AP1G1: variants seen among roughly 807,000 people sequenced by gnomAD.
AP1G1 encodes AP-1 complex subunit gamma-1.
AP1G1 carries 7 observed loss-of-function variants against 108.3 expected under a neutral mutation model. That is an observed-to-expected ratio of 0.06 (90% CI 0.04 to 0.12). The LOEUF (loss-of-function observed/expected upper bound fraction) is 0.12, where lower values mean the gene tolerates loss of function less well. AP1G1 is among the 10% of genes least tolerant of loss of function. AP1G1 has a pLI of 1.00. For missense variants in AP1G1, 756 were observed against 1,010.7 expected, an observed-to-expected ratio of 0.75 and a Z score of 3.42; for synonymous variants, 379 against 353.5, an observed-to-expected ratio of 1.07 and a Z score of -0.81.
chr16:71,766,087 G>A (rs2031300803), intron 6 of AP1G1, among the ~76,000 whole-genome samples: 1 of 152,084 alleles, frequency 6.6e-6, no homozygotes, highest in Non-Finnish European at 1.5e-5. Flanking sequence ...AGATAGAAGA[G>A]TTATACCCTT....
intron 19 of AP1G1, among the ~76,000 whole-genome samples, chr16:71,740,001 A>G (rs1015439356): frequency 5.9e-5 from 9 of 152,176 alleles, no homozygotes; most frequent in Non-Finnish European, 1.3e-4. Context: ...AATTATAGTG[A>G]GATACTACCT....
At chr16:71,746,770 A>G (rs1345028544) in intron 16 of AP1G1, 78 bp from the exon 17 acceptor site, 1 of 1,088,398 alleles carries the variant, frequency 9.2e-7, no homozygotes, top group Non-Finnish European at 1.3e-6. Flanking sequence ...TTAATAAGCC[A>G]GAATTTTCTG....
chr16:71,747,794 CA>C (rs2030262550), intron 16 of AP1G1, among the ~76,000 whole-genome samples: 1 of 151,970 alleles, frequency 6.6e-6, no homozygotes, highest in African/African-American at 2.4e-5. Flanking sequence ...CCAGCCTGGG[CA>C]AACAAACGAA....
chr16:71,746,315 C>T (rs528909324), intron 17 of AP1G1, among the ~76,000 whole-genome samples: 1 of 152,258 alleles, frequency 6.6e-6, no homozygotes, highest in East Asian at 1.9e-4. Context: ...CGGCCTCCCA[C>T]TTCTTAACTA....
intron 1 of AP1G1, among the ~76,000 whole-genome samples, chr16:71,791,097 T>C (rs969617840): frequency 1.3e-5 from 2 of 151,996 alleles, no homozygotes. Flanking sequence ...GGCACACACC[T>C]GTAGGCTCAG....
intron 1 of AP1G1, among the ~76,000 whole-genome samples, chr16:71,807,099 T>C (rs1383791886): frequency 6.6e-6 from 1 of 152,222 alleles, no homozygotes; most frequent in Non-Finnish European, 1.5e-5. Flanking sequence ...CTCGCCTAAC[T>C]TGAAACGTAG....
intron 21 of AP1G1, 50 bp downstream of exon 21, chr16:71,738,890 AAG>A (rs2045583865): frequency 5.2e-6 from 8 of 1,524,220 alleles, no homozygotes; most frequent in East Asian, 2.3e-5. Flanking sequence ...TGAAAAAAAA[AAG>A]CCAGCCAATC....
intron 7 of AP1G1, among the ~76,000 whole-genome samples, 189 bp downstream of exon 7, chr16:71,765,300 C>T (rs947811081): frequency 1.3e-5 from 2 of 152,196 alleles, no homozygotes; most frequent in Non-Finnish European, 2.9e-5. Context: ...GCACTCCAGC[C>T]TAAGTGACAG....
At chr16:71,763,510 G>A (rs1180465927) in intron 9 of AP1G1, among the ~76,000 whole-genome samples, 1 of 152,138 alleles carries the variant, frequency 6.6e-6, no homozygotes, top group Non-Finnish European at 1.5e-5. Context: ...TTAATTTTAT[G>A]TTATATATAT....
At chr16:71,738,828 A>G (rs1183976010) in intron 21 of AP1G1, 114 bp downstream of exon 21, 6 of 954,670 alleles carry the variant, frequency 6.3e-6, no homozygotes, top group Non-Finnish European at 9.4e-6. Context: ...AGTTTGAATT[A>G]AGTCTACAAA....
intron 19 of AP1G1, among the ~76,000 whole-genome samples, chr16:71,743,945 CA>C (rs35804839): frequency 0.47 from 41,147 of 87,004 alleles, 6,757 homozygotes; most frequent in East Asian, 0.75. Context: ...GACTCTGTCT[CA>C]AAAAAAAAAA....
intron 21 of AP1G1, among the ~76,000 whole-genome samples, chr16:71,735,657 A>AAC (rs1367575854): frequency 6.8e-6 from 1 of 146,918 alleles, no homozygotes; most frequent in Non-Finnish European, 1.5e-5. Flanking sequence ...CTCCGTCTCA[A>AAC]AAAAAAAAAA....
chr16:71,740,685 T>C (rs2045608394), intron 19 of AP1G1, among the ~76,000 whole-genome samples: 2 of 152,204 alleles, frequency 1.3e-5, no homozygotes, highest in Admixed American at 6.5e-5. Flanking sequence ...TTGGATACCT[T>C]GTCTAAAAAG....
chr16:71,786,147 ACTTT>A (rs758598080), intron 2 of AP1G1, among the ~76,000 whole-genome samples: 13 of 152,238 alleles, frequency 8.5e-5, no homozygotes, highest in South Asian at 4.1e-4. Context: ...TCGAGCATTT[ACTTT>A]CTAAGAATTA....
At chr16:71,802,275 CCT>C (rs1167916511) in intron 1 of AP1G1, among the ~76,000 whole-genome samples, 1 of 152,108 alleles carries the variant, frequency 6.6e-6, no homozygotes, top group Non-Finnish European at 1.5e-5. Flanking sequence ...TTTTTACTTA[CCT>C]CTTTTTTTTG....
intron 1 of AP1G1, among the ~76,000 whole-genome samples, chr16:71,805,217 G>A (rs1156593112): frequency 6.6e-6 from 1 of 152,172 alleles, no homozygotes; most frequent in East Asian, 1.9e-4. Context: ...GGAGGCCAAG[G>A]TGGGTGGATC....
intron 12 of AP1G1, among the ~76,000 whole-genome samples, chr16:71,755,122 C>T (rs983433599): frequency 6.6e-6 from 1 of 152,148 alleles, no homozygotes; most frequent in African/African-American, 2.4e-5. Context: ...TGTTCTATTG[C>T]CTTTATTAAA....
At chr16:71,791,737 C>CT (rs1370700490) in intron 1 of AP1G1, among the ~76,000 whole-genome samples, 2 of 146,712 alleles carry the variant, frequency 1.4e-5, no homozygotes, top group Non-Finnish European at 3.0e-5. Flanking sequence ...ACGGCTGGGC[C>CT]TATAAAAGCT....
intron 4 of AP1G1, 111 bp downstream of exon 4, chr16:71,773,110 C>A (rs2031640403): frequency 4.2e-6 from 5 of 1,184,068 alleles, no homozygotes; most frequent in Admixed American, 1.9e-5. Context: ...ATTTACTACA[C>A]AGAAAAAATG....
Sources: allele counts gnomAD v4.1 joint callset (sites outside exome capture counted in the v4.1 genomes callset), GRCh38; gene constraint gnomAD v4.1.1; transcripts MANE v1.5; gene names NCBI Gene and HGNC (gene_info 2026-07-23, HGNC 2026-07-21).